Variants in TMEM117 observed in about 807,000 individuals in gnomAD.
TMEM117 encodes the protein transmembrane protein 117.
In TMEM117, 27 loss-of-function variants were observed where a neutral mutation model predicts 52.4. The ratio of observed to expected loss-of-function variants is 0.51; its 90% CI spans 0.38 to 0.71. The LOEUF is 0.71. Among genes scored for constraint, TMEM117 ranks in the 30% least tolerant of loss-of-function variants. The pLI, the probability that TMEM117 is intolerant of heterozygous loss-of-function variation, is 0.00. For missense variants in TMEM117, 556 were observed against 630.5 expected (o/e 0.88, Z 1.26); for synonymous variants, 215 against 206.3 (o/e 1.04, Z -0.36).
intron 2 of TMEM117, 37 bp downstream of exon 2, chr12:43,844,965 TTA>T (rs764001871): frequency 6.4e-7 from 1 of 1,565,106 alleles, no homozygotes; most frequent in Non-Finnish European, 8.6e-7. Flanking sequence ...ATATCACTAA[TTA>T]TTTAATTTCT....
intron 5 of TMEM117, among the ~76,000 whole-genome samples, chr12:44,267,404 T>C (rs1157694504): frequency 6.6e-6 from 1 of 152,132 alleles, no homozygotes; most frequent in African/African-American, 2.4e-5. Flanking sequence ...ATTTAATATA[T>C]ACCACTTAAT....
chr12:44,381,260 T>A (rs1473017846), intron 7 of TMEM117, among the ~76,000 whole-genome samples: 1 of 152,232 alleles, frequency 6.6e-6, no homozygotes, highest in Non-Finnish European at 1.5e-5. Context: ...ACACTGGTAC[T>A]TTTAGCCCAA....
At chr12:44,037,891 G>A (rs1008558098) in intron 3 of TMEM117, among the ~76,000 whole-genome samples, 7 of 152,002 alleles carry the variant, frequency 4.6e-5, no homozygotes, top group Non-Finnish European at 1.0e-4. Flanking sequence ...CTCCTCTGCT[G>A]AGAGTTGGGC....
At chr12:44,341,122 C>T (rs1293684698) in intron 6 of TMEM117, among the ~76,000 whole-genome samples, 3 of 152,012 alleles carry the variant, frequency 2.0e-5, no homozygotes, top group African/African-American at 7.2e-5. Context: ...ACCTCAGCCT[C>T]CCAAGTAACT....
chr12:44,145,998 C>T (rs1479968014), intron 4 of TMEM117, among the ~76,000 whole-genome samples: 1 of 152,222 alleles, frequency 6.6e-6, no homozygotes, highest in Non-Finnish European at 1.5e-5. Context: ...CCATATACAG[C>T]TCTGCCTCTC....
intron 3 of TMEM117, among the ~76,000 whole-genome samples, chr12:44,121,128 C>T (rs1207346616): frequency 6.6e-6 from 1 of 152,320 alleles, no homozygotes; most frequent in Non-Finnish European, 1.5e-5. Flanking sequence ...GACTTATTCA[C>T]TATCATGATA....
chr12:44,225,701 T>C (rs1949851727), intron 5 of TMEM117, among the ~76,000 whole-genome samples: 1 of 152,222 alleles, frequency 6.6e-6, no homozygotes, highest in East Asian at 1.9e-4. Flanking sequence ...CTGAGGTTAA[T>C]GAATTGGACA....
At chr12:44,340,485 C>T (rs840772) in intron 6 of TMEM117, among the ~76,000 whole-genome samples, 187 of 152,026 alleles carry the variant, frequency 1.2e-3, no homozygotes, top group Non-Finnish European at 1.9e-3. Flanking sequence ...ACCACAGTTC[C>T]GTTCTCAGTA....
intron 3 of TMEM117, among the ~76,000 whole-genome samples, chr12:43,966,030 G>A (rs1036275230): frequency 9.2e-5 from 14 of 152,140 alleles, no homozygotes; most frequent in African/African-American, 3.1e-4. Flanking sequence ...TTGTTAACTC[G>A]TTTAGGAGAA....
chr12:43,871,451 C>T (rs1413304326), intron 2 of TMEM117, among the ~76,000 whole-genome samples: 1 of 152,150 alleles, frequency 6.6e-6, no homozygotes, highest in Non-Finnish European at 1.5e-5. Context: ...GAGATAGTAT[C>T]TCATTGTGGT....
intron 6 of TMEM117, among the ~76,000 whole-genome samples, chr12:44,310,259 A>T (rs1950956866): frequency 6.6e-6 from 1 of 152,238 alleles, no homozygotes; most frequent in African/African-American, 2.4e-5. Context: ...GTATATAAAG[A>T]ATTTGGAGTA....
At chr12:44,025,358 T>C (rs1946516923) in intron 3 of TMEM117, among the ~76,000 whole-genome samples, 1 of 152,184 alleles carries the variant, frequency 6.6e-6, no homozygotes, top group Admixed American at 6.5e-5. Context: ...CAGATTTGCT[T>C]AAATTAATAA....
intron 6 of TMEM117, among the ~76,000 whole-genome samples, chr12:44,321,235 A>C (rs1180948794): frequency 2.0e-5 from 3 of 152,202 alleles, no homozygotes; most frequent in East Asian, 1.9e-4. Flanking sequence ...AGTATTTTAC[A>C]AAGCACAATC....
chr12:44,074,037 G>A (rs557686889), intron 3 of TMEM117, among the ~76,000 whole-genome samples: 2 of 152,096 alleles, frequency 1.3e-5, no homozygotes, highest in Non-Finnish European at 2.9e-5. Context: ...CCTAACAGAG[G>A]GGTTAACACA....
At chr12:44,132,757 C>T (rs1675712524) in intron 3 of TMEM117, among the ~76,000 whole-genome samples, 1 of 152,078 alleles carries the variant, frequency 6.6e-6, no homozygotes, top group South Asian at 2.1e-4. Flanking sequence ...AAGAGGGAAA[C>T]ATAATTTCTC....
intron 4 of TMEM117, among the ~76,000 whole-genome samples, chr12:44,208,217 T>C (rs1398975031): frequency 6.6e-6 from 1 of 152,162 alleles, no homozygotes; most frequent in East Asian, 1.9e-4. Context: ...TTGTACAATA[T>C]GTATTCTAAA....
intron 4 of TMEM117, among the ~76,000 whole-genome samples, chr12:44,171,917 G>A (rs1949052030): frequency 6.6e-6 from 1 of 152,060 alleles, no homozygotes; most frequent in Non-Finnish European, 1.5e-5. Context: ...ATAGGGAACA[G>A]CATGTGCAAA....
chr12:44,008,450 G>A (rs1041679112), intron 3 of TMEM117, among the ~76,000 whole-genome samples: 3 of 152,166 alleles, frequency 2.0e-5, no homozygotes, highest in Non-Finnish European at 4.4e-5. Context: ...TATAAGTCTT[G>A]TGCTAGGCAC....
chr12:43,946,358 C>T (rs1444512410), intron 3 of TMEM117, among the ~76,000 whole-genome samples: 2 of 145,524 alleles, frequency 1.4e-5, no homozygotes, highest in Non-Finnish European at 3.0e-5. Context: ...TGCTCAGAAG[C>T]TGACTTTTGA....
Sources: allele counts gnomAD v4.1 joint callset (sites outside exome capture counted in the v4.1 genomes callset), GRCh38; gene constraint gnomAD v4.1.1; transcripts MANE v1.5; gene names NCBI Gene and HGNC (gene_info 2026-07-23, HGNC 2026-07-21).